OVCH1: variants seen among roughly 807,000 people sequenced by gnomAD.
The protein encoded by OVCH1 is ovochymase 1.
OVCH1 carries 139 observed loss-of-function variants against 138.4 expected under a neutral mutation model. The ratio of observed to expected loss-of-function variants is 1.00; its 90% CI spans 0.87 to 1.16. The LOEUF (loss-of-function observed/expected upper bound fraction) is 1.16. OVCH1 is among the 50% of genes most tolerant of loss of function. The pLI is 0.00. For missense variants in OVCH1, 1,367 were observed against 1,357.9 expected (o/e 1.01, Z -0.11); for synonymous variants, 453 against 467.8 (o/e 0.97, Z 0.41).
chr12:29,450,147 A>C (rs545562586), intron 22 of OVCH1, among the ~76,000 whole-genome samples: 1 of 152,230 alleles, frequency 6.6e-6, no homozygotes, highest in Non-Finnish European at 1.5e-5. Flanking sequence ...CAATGGCAAC[A>C]AAAGTCAAAA....
chr12:29,436,715 T>A (rs1461022761), intron 26 of OVCH1, among the ~76,000 whole-genome samples: 1 of 152,054 alleles, frequency 6.6e-6, no homozygotes, highest in Non-Finnish European at 1.5e-5. Flanking sequence ...CACAGTTGAG[T>A]GTTACAGCTC....
chr12:29,476,752 C>CGCAT (rs1565600437), intron 12 of OVCH1, among the ~76,000 whole-genome samples: 2 of 8,572 alleles, frequency 2.3e-4, no homozygotes, highest in African/African-American at 2.8e-4. Context: ...AGTACACACG[C>CGCAT]GCGCACACAC....
At chr12:29,428,052 C>A (rs1435190277) in intron 27 of OVCH1, among the ~76,000 whole-genome samples, 2 of 151,930 alleles carry the variant, frequency 1.3e-5, no homozygotes, top group Non-Finnish European at 2.9e-5. Context: ...GCAGCTGGAC[C>A]ATGTTATTTT....
chr12:29,412,117 G>A (rs1016401182), downstream of OVCH1, among the ~76,000 whole-genome samples: 2 of 152,108 alleles, frequency 1.3e-5, no homozygotes, highest in African/African-American at 4.8e-5. Context: ...AGCCAGGTGC[G>A]GGATATAATC....
intron 16 of OVCH1, among the ~76,000 whole-genome samples, chr12:29,466,801 GAA>G (rs1491486547): frequency 6.6e-6 from 1 of 152,136 alleles, no homozygotes; most frequent in Non-Finnish European, 1.5e-5. Flanking sequence ...AGTGTCTGAG[GAA>G]AGAGTCCCTC....
chr12:29,472,858 G>A (rs1428356162), intron 15 of OVCH1, among the ~76,000 whole-genome samples, 171 bp downstream of exon 15: 4 of 152,070 alleles, frequency 2.6e-5, no homozygotes, highest in Admixed American at 6.5e-5. Flanking sequence ...CTATTTATGA[G>A]TCTAACTATA....
At chr12:29,489,672 C>A in exon 6 of OVCH1, 1 of 1,609,544 alleles carries the variant, frequency 6.2e-7, no homozygotes, top group Non-Finnish European at 8.5e-7. Context: ...CATGGTCCTT[C>A]CCAGGGGAGG....
At chr12:29,459,845 T>C (rs1204961428) in intron 19 of OVCH1, among the ~76,000 whole-genome samples, 1 of 152,210 alleles carries the variant, frequency 6.6e-6, no homozygotes, top group African/African-American at 2.4e-5. Context: ...GGATACTACG[T>C]TGCGTATCTG....
chr12:29,450,079 G>C (rs976919376), intron 22 of OVCH1, among the ~76,000 whole-genome samples: 2 of 152,098 alleles, frequency 1.3e-5, no homozygotes, highest in Non-Finnish European at 2.9e-5. Context: ...AGAAAACCTA[G>C]GCAATACCAT....
intron 22 of OVCH1, among the ~76,000 whole-genome samples, chr12:29,449,021 CTGT>C: frequency 6.6e-6 from 1 of 152,118 alleles, no homozygotes; most frequent in East Asian, 1.9e-4. Context: ...CAAGTTTGTT[CTGT>C]TGAACAAAAA....
rs1032048974 is a variant in OVCH1 at position 29,471,857 on chromosome 12, C to CA, written c.1800dup (p.Gly601TrpfsTer22). ...CACACTGGGTTGATGATGGCACCTCCACATTGGTAATCGCCTAGAAACCTC... is the reference window on the plus strand; with the variant it reads ...CACACTGGGTTGATGATGGCACCTCCAACATTGGTAATCGCCTAGAAACCTC... On this transcript the variant is annotated frameshift_variant, in exon 16 of 28. Transcript: ENST00000318184. LOFTEE classifies it high-confidence loss of function. 6.2e-7 allele frequency: 1 copy of CA among 1,613,074 alleles called. No individual in the cohort carries two copies. The highest frequency in any genetic ancestry group is 1.3e-5 in the African/African-American group (1 of 75,014).
intron 8 of OVCH1, among the ~76,000 whole-genome samples, chr12:29,486,019 C>T (rs1461664595): frequency 6.6e-6 from 1 of 150,918 alleles, no homozygotes; most frequent in Non-Finnish European, 1.5e-5. Flanking sequence ...TAAATGGATA[C>T]AGCTTTTAGC....
chr12:29,485,852 A>T (rs1397860448), intron 8 of OVCH1, among the ~76,000 whole-genome samples: 1 of 151,762 alleles, frequency 6.6e-6, no homozygotes, highest in Non-Finnish European at 1.5e-5. Context: ...CTAAGGCAGG[A>T]GAATCGCTTG....
At chr12:29,440,413 T>G (rs929198933) in intron 25 of OVCH1, 5 of 181,756 alleles carry the variant, frequency 2.8e-5, no homozygotes, top group African/African-American at 1.2e-4. Flanking sequence ...TTTCCAATCT[T>G]TGTGTGCCCT....
intron 3 of OVCH1, among the ~76,000 whole-genome samples, chr12:29,421,002 C>G (rs1040415276): frequency 1.3e-5 from 2 of 152,218 alleles, no homozygotes; most frequent in Non-Finnish European, 2.9e-5. Context: ...CTTGAACAAG[C>G]AGTCTCAGAG....
At chr12:29,476,119 C>T (rs897189320) in intron 13 of OVCH1, 87 bp downstream of exon 13, 13 of 1,046,248 alleles carry the variant, frequency 1.2e-5, no homozygotes, top group Middle Eastern at 2.0e-4. Context: ...TCCCACTCTA[C>T]GTTCTGGTAC....
intron 25 of OVCH1, among the ~76,000 whole-genome samples, chr12:29,442,958 G>T (rs371502105): frequency 1.1e-4 from 17 of 151,950 alleles, no homozygotes; most frequent in African/African-American, 4.1e-4. Context: ...AAAATAATGA[G>T]TTTAAATTAA....
At position 29,471,701 on chromosome 12, in the gene OVCH1, C is replaced by T. The variant is rs1488541772; in HGVS notation, c.1856+101G>A. Reference sequence around the variant, plus strand: ...GAAACACTAAAAGAAGATTCTTGCTCTAGAATTAGTCTGGATGATCTTAGT... The same window carrying T: ...GAAACACTAAAAGAAGATTCTTGCTTTAGAATTAGTCTGGATGATCTTAGT... On this transcript the variant is annotated intron_variant, in intron 16 of 27. Transcript: ENST00000318184. 7.0e-6 allele frequency: 9 copies of T among 1,278,980 alleles called. No homozygotes were observed. In the African/African-American group the frequency reaches 9.3e-5, roughly 13 times the overall value. The allele number at this position is 1,278,980 out of a possible 1,614,324, so 79.2% of individuals were successfully genotyped here. A position where few individuals can be genotyped will look rare whatever the true frequency, so the allele number is the denominator to read the frequency against.
At chr12:29,493,279 A>G (rs1380635806) in intron 4 of OVCH1, among the ~76,000 whole-genome samples, 4 of 152,228 alleles carry the variant, frequency 2.6e-5, no homozygotes, top group Admixed American at 6.5e-5. Context: ...TGAGAAGTCA[A>G]TAACATTCCG....
Sources: gnomAD v4.1 joint callset for allele counts (sites outside exome capture counted in the v4.1 genomes callset) on GRCh38, gnomAD v4.1.1 for gene constraint, MANE v1.5 for transcripts, NCBI Gene and HGNC (gene_info 2026-07-23, HGNC 2026-07-21) for gene names.